USP44: variants seen among roughly 807,000 people sequenced by gnomAD.
The protein encoded by USP44 is ubiquitin carboxyl-terminal hydrolase 44.
USP44 carries 61 observed loss-of-function variants against 69.0 expected under a neutral mutation model. The ratio of observed to expected loss-of-function variants is 0.88; its 90% CI spans 0.72 to 1.09. The LOEUF (loss-of-function observed/expected upper bound fraction) is 1.09. Ranked by LOEUF, USP44 falls within the 50% of genes least tolerant of loss-of-function variation. The pLI is 0.00. For synonymous variants in USP44, 297 were observed against 295.4 expected, an observed-to-expected ratio of 1.01 and a Z score of -0.06; for missense variants, 753 against 849.9, an observed-to-expected ratio of 0.89 and a Z score of 1.42.
intron 3 of USP44, among the ~76,000 whole-genome samples, chr12:95,526,962 AAGTTCTGT>A (rs2076858707): frequency 6.6e-6 from 1 of 152,056 alleles, no homozygotes; most frequent in Non-Finnish European, 1.5e-5. Context: ...TTACATAAAT[AAGTTCTGT>A]AGTGGTGATT....
At position 95,538,337 on chromosome 12, in the gene USP44, C is replaced by G. The variant is rs952720441; in HGVS notation, c.-70-4011G>C. On this transcript the variant is annotated intron_variant, in intron 1 of 5. Transcript: ENST00000258499. ...ACTCCTGACACTTAATAATATGGCC[C>G]TGAGTACATCTTAGCTGCCAATAGT... Among the ~76,000 whole-genome samples the G allele has an allele frequency of 2.0e-5, 3 of 152,010 alleles. No individual in the cohort carries two copies. In the East Asian group the frequency reaches 5.8e-4, roughly 29 times the overall value.
At chr12:95,520,136 TG>T (rs1422840186) in intron 5 of USP44, among the ~76,000 whole-genome samples, 1 of 112,326 alleles carries the variant, frequency 8.9e-6, no homozygotes, top group Non-Finnish European at 1.8e-5. Context: ...TTTTTCTGTT[TG>T]GGCTGTGTTG....
chr12:95,519,430 GTA>G (rs2076576870), intron 5 of USP44, among the ~76,000 whole-genome samples: 4 of 112,476 alleles, frequency 3.6e-5, no homozygotes, highest in African/African-American at 1.3e-4. Flanking sequence ...TACTCAATCT[GTA>G]TTTTTTTTTT....
At chr12:95,526,336 G>T (rs921442652) in intron 3 of USP44, among the ~76,000 whole-genome samples, 1 of 152,222 alleles carries the variant, frequency 6.6e-6, no homozygotes, top group Non-Finnish European at 1.5e-5. Flanking sequence ...GCTTTGGAAG[G>T]CAGAGGCGGG....
intron 3 of USP44, among the ~76,000 whole-genome samples, chr12:95,527,955 C>T (rs892871495): frequency 6.6e-6 from 1 of 151,604 alleles, no homozygotes; most frequent in African/African-American, 2.4e-5. Flanking sequence ...TCTCCTGCCT[C>T]AGCCTCCCGA....
At chr12:95,524,373 T>C (rs1185890372) in intron 4 of USP44, 2 of 164,758 alleles carry the variant, frequency 1.2e-5, no homozygotes, top group East Asian at 1.9e-4. Context: ...TGAGCCACCT[T>C]GCCCGGCCAG....
In USP44 at chr12:95,528,844, A is replaced by G. The variant is rs748555758; in HGVS notation, c.1587T>C (p.Ala529=). ...EMLAKFTETE[A]LEGKIYVCDQ... is the part of the protein sequence containing the mutation. The stretch of plus-strand genomic sequence containing the variant: ...CACATACGTAGATTTTTCCTTCTAA[A>G]GCTTCAGTTTCTGTAAATTTGGCCA... Residue 529 remains alanine (A), a synonymous_variant, in exon 3 of 6, where the codon GCT becomes GCC. Transcript: ENST00000258499. 1.2e-6 allele frequency: 2 copies of G among 1,614,042 alleles called. No individual in the cohort carries two copies. Among genetic ancestry groups the G allele is most frequent in the Non-Finnish European group, 1.7e-6 (2 of 1,179,982 alleles).
chr12:95,536,039 C>CTTTTTTTT (rs397821709), intron 1 of USP44, among the ~76,000 whole-genome samples: 26 of 97,500 alleles, frequency 2.7e-4, no homozygotes, highest in Non-Finnish European at 4.5e-4. Context: ...CTTTTTTTTC[C>CTTTTTTTT]TTTTTTTTTT....
At chr12:95,534,737 G>A (rs1429247242) in intron 1 of USP44, among the ~76,000 whole-genome samples, 3 of 150,292 alleles carry the variant, frequency 2.0e-5, no homozygotes, top group Middle Eastern at 3.2e-3. Flanking sequence ...GTGCAGTGGT[G>A]CGATCTCAGC....
intron 1 of USP44, among the ~76,000 whole-genome samples, chr12:95,540,056 T>G (rs1327573043): frequency 6.6e-6 from 1 of 152,166 alleles, no homozygotes; most frequent in Non-Finnish European, 1.5e-5. Flanking sequence ...ACCTTCCTGT[T>G]GTATTTTTGT....
chr12:95,537,621 A>G (rs999357689), intron 1 of USP44, among the ~76,000 whole-genome samples: 1 of 152,104 alleles, frequency 6.6e-6, no homozygotes, highest in African/African-American at 2.4e-5. Flanking sequence ...CAGGCCGAAA[A>G]TAATTATTAG....
At chr12:95,549,703 G>C (rs900661730) in intron 1 of USP44, among the ~76,000 whole-genome samples, 2 of 152,166 alleles carry the variant, frequency 1.3e-5, no homozygotes, top group African/African-American at 4.8e-5. Flanking sequence ...CAATATGTAA[G>C]ACAAGGTATA....
In USP44 at chr12:95,534,277, AT is replaced by A; in HGVS notation, c.-22del. 6.3e-7 allele frequency: 1 copy of A among 1,588,620 alleles called. No individual in the cohort carries two copies. Among genetic ancestry groups the A allele is most frequent in the South Asian group, 1.1e-5 (1 of 87,144 alleles). The stretch of plus-strand genomic sequence containing the variant: ...AGCATTTATTTAGTCTAGCTGAGAA[AT>A]GCATAATCCAAACAAGTCTCTGTTC... On this transcript the variant is annotated 5_prime_UTR_variant, in exon 2 of 6. An upstream open reading frame in the 5' UTR gains an earlier in-frame stop. Transcript: ENST00000258499.
chr12:95,543,735 G>A (rs537321851), intron 1 of USP44, among the ~76,000 whole-genome samples: 204 of 151,876 alleles, frequency 1.3e-3, no homozygotes, highest in Non-Finnish European at 2.3e-3. Context: ...GGGAGGCTGA[G>A]GCGGGCAGAT....
In USP44 at chr12:95,540,898, T is replaced by C. The variant is rs1035683241; in HGVS notation, c.-70-6572A>G. Among the ~76,000 whole-genome samples, 11 of 152,314 alleles carry C rather than the reference T, an allele frequency of 7.2e-5. No individual in the cohort carries two copies. The East Asian group carries it at 1.7e-3, about 24-fold the overall frequency. Reference sequence around the variant, plus strand: ...AAAAATTATAATTTTAATTTCCTCATTATGAAAGCAAAACATATTCATTAC... The same window carrying C: ...AAAAATTATAATTTTAATTTCCTCACTATGAAAGCAAAACATATTCATTAC... On this transcript the variant is annotated intron_variant, in intron 1 of 5. Coordinates refer to ENST00000258499, the MANE Select transcript of USP44 (RefSeq NM_032147.5).
chr12:95,518,416 TTGAG>T, intron 5 of USP44, 63 bp from the exon 6 acceptor site: 1 of 1,519,620 alleles, frequency 6.6e-7, no homozygotes, highest in Admixed American at 1.9e-5. Flanking sequence ...ATGAAAGGCA[TTGAG>T]TGAGAAGCTT....
chr12:95,529,914 C>G (rs141185411), intron 2 of USP44, among the ~76,000 whole-genome samples: 1 of 152,186 alleles, frequency 6.6e-6, no homozygotes, highest in African/African-American at 2.4e-5. Context: ...TTAAAGCAAA[C>G]ATAACATTAA....
At chr12:95,521,297 T>C (rs779084800) in intron 4 of USP44, 95 bp from the exon 5 acceptor site, 42 of 1,102,204 alleles carry the variant, frequency 3.8e-5, no homozygotes, top group Non-Finnish European at 5.2e-5. Flanking sequence ...CCAGGCAGCA[T>C]GGAATACAAA....
At chr12:95,534,928 GC>G (rs534249785) in intron 1 of USP44, among the ~76,000 whole-genome samples, 175 of 152,250 alleles carry the variant, frequency 1.1e-3, no homozygotes, top group Non-Finnish European at 2.0e-3. Flanking sequence ...TCATCTACCC[GC>G]CTTGGCCTCC....
Sources: allele counts gnomAD v4.1 joint callset (sites outside exome capture counted in the v4.1 genomes callset), GRCh38; gene constraint gnomAD v4.1.1; transcripts MANE v1.5; gene names NCBI Gene and HGNC (gene_info 2026-07-23, HGNC 2026-07-21).